TASOR: variants seen among roughly 807,000 people sequenced by gnomAD.
The protein encoded by TASOR is transcription activation suppressor, also known as protein TASOR.
TASOR carries 53 observed loss-of-function variants against 178.6 expected under a neutral mutation model. The ratio of observed to expected loss-of-function variants is 0.30; its 90% CI spans 0.24 to 0.37. The LOEUF (loss-of-function observed/expected upper bound fraction) is 0.37, where lower values mean the gene tolerates loss of function less well. TASOR is among the 10% of genes least tolerant of loss of function. The probability of loss-of-function intolerance (pLI) is 1.00; values close to 1 mark genes in which losing one functional copy is unlikely to be tolerated. For synonymous variants in TASOR, 713 were observed against 696.2 expected, an observed-to-expected ratio of 1.02 and a Z score of -0.38; for missense variants, 1,815 against 1,971.4, an observed-to-expected ratio of 0.92 and a Z score of 1.50.
At chr3:56,678,074 T>C (rs1559857388) in intron 1 of TASOR, among the ~76,000 whole-genome samples, 3 of 152,150 alleles carry the variant, frequency 2.0e-5, no homozygotes, top group Admixed American at 2.0e-4. Flanking sequence ...ACGAGGAAAC[T>C]GATAGTATCA....
chr3:56,663,594 AG>A (rs1262843611), intron 7 of TASOR, 22 bp from the exon 8 acceptor site: 43 of 1,305,718 alleles, frequency 3.3e-5, no homozygotes, highest in Non-Finnish European at 4.2e-5. Context: ...TTAAAAGAAA[AG>A]AAAAACATTA....
At chr3:56,627,892 C>G in intron 19 of TASOR, 151 bp from the exon 20 acceptor site, 1 of 659,442 alleles carries the variant, frequency 1.5e-6, no homozygotes, top group Non-Finnish European at 2.6e-6. Context: ...AATAATATTC[C>G]CAACATTATT....
At chr3:56,628,717 G>T in intron 18 of TASOR, 103 bp from the exon 19 acceptor site, 1 of 742,228 alleles carries the variant, frequency 1.3e-6, no homozygotes, top group Non-Finnish European at 2.1e-6. Context: ...CTACTACCAT[G>T]ACATTATTAA....
At chr3:56,661,119 C>A in intron 9 of TASOR, 102 bp from the exon 10 acceptor site, 1 of 697,072 alleles carries the variant, frequency 1.4e-6, no homozygotes, top group Non-Finnish European at 2.4e-6. Flanking sequence ...AATAGAAGAG[C>A]ATATCTACGA....
chr3:56,626,068 GA>G (rs1265932970), intron 21 of TASOR, among the ~76,000 whole-genome samples: 1 of 152,220 alleles, frequency 6.6e-6, no homozygotes. Context: ...CGTATTTTAA[GA>G]AATTTTTGTG....
At chr3:56,657,672 A>T (rs2077501942) in intron 11 of TASOR, among the ~76,000 whole-genome samples, 1 of 152,196 alleles carries the variant, frequency 6.6e-6, no homozygotes, top group African/African-American at 2.4e-5. Flanking sequence ...TGCCAAGAAG[A>T]CTATGGAGAT....
chr3:56,662,001 G>A (rs1374002229), intron 9 of TASOR, among the ~76,000 whole-genome samples: 4 of 151,850 alleles, frequency 2.6e-5, no homozygotes, highest in Non-Finnish European at 4.4e-5. Context: ...ATGGTGGCAG[G>A]ACCCTGTAAT....
chr3:56,678,870 G>A (rs1474841296), intron 1 of TASOR, among the ~76,000 whole-genome samples: 3 of 152,064 alleles, frequency 2.0e-5, no homozygotes, highest in Non-Finnish European at 4.4e-5. Flanking sequence ...AATTAGCTGG[G>A]CGTGGTGGCA....
intron 17 of TASOR, among the ~76,000 whole-genome samples, chr3:56,634,857 T>C (rs181155594): frequency 9.8e-5 from 15 of 152,300 alleles, no homozygotes; most frequent in Admixed American, 2.6e-4. Flanking sequence ...GGAACTCTAA[T>C]TCCATTTTTA....
chr3:56,621,421 A>G lies in TASOR; in HGVS notation c.*1616T>C, dbSNP rs2076605753. On this transcript the variant is annotated 3_prime_UTR_variant, in exon 24 of 24. Coordinates refer to ENST00000683822, the MANE Select transcript of TASOR (RefSeq NM_001365635.2). ...TTCTGAAAAAATTTTTGAATGACAA[A>G]ATTTTATCCTAAGCGATATGTTTTC... 1 of 753,294 alleles carries G rather than the reference A, an allele frequency of 1.3e-6. No homozygotes were observed. The highest frequency in any genetic ancestry group is 2.1e-6 in the Non-Finnish European group (1 of 486,752). The allele number at this position is 753,294 out of a possible 1,614,324, so 46.7% of individuals were successfully genotyped here.
chr3:56,668,738 C>A (rs2030332368), intron 5 of TASOR, among the ~76,000 whole-genome samples, 180 bp from the exon 6 acceptor site: 1 of 152,182 alleles, frequency 6.6e-6, no homozygotes. Flanking sequence ...CTTTGGGAGG[C>A]CAAGGCAGGC....
chr3:56,665,875 G>A (rs1175274664), intron 7 of TASOR, among the ~76,000 whole-genome samples: 1 of 152,090 alleles, frequency 6.6e-6, no homozygotes, highest in African/African-American at 2.4e-5. Flanking sequence ...GGGAGGCTGA[G>A]GCAGAATGGC....
chr3:56,677,556 T>C (rs1457005149), intron 1 of TASOR, among the ~76,000 whole-genome samples: 1 of 152,198 alleles, frequency 6.6e-6, no homozygotes, highest in Admixed American at 6.5e-5. Context: ...GGGATTCAAA[T>C]TCAAGTGGTT....
intron 11 of TASOR, among the ~76,000 whole-genome samples, chr3:56,652,117 C>G (rs1159924577): frequency 6.6e-6 from 1 of 152,022 alleles, no homozygotes; most frequent in Non-Finnish European, 1.5e-5. Flanking sequence ...ATAAAATGTT[C>G]AGAGCAGATA....
At chr3:56,629,791 C>G (rs1271135814) in intron 18 of TASOR, among the ~76,000 whole-genome samples, 2 of 152,176 alleles carry the variant, frequency 1.3e-5, no homozygotes, top group East Asian at 3.9e-4. Flanking sequence ...CCCAGCTTAC[C>G]TGACAACCAG....
At chr3:56,639,952 G>A (rs1439685371) in intron 16 of TASOR, 34 bp downstream of exon 16, 3 of 1,573,428 alleles carry the variant, frequency 1.9e-6, no homozygotes, top group Admixed American at 3.8e-5. Context: ...TAAGTAAAAT[G>A]AAGCAAACAC....
intron 1 of TASOR, among the ~76,000 whole-genome samples, chr3:56,674,880 A>G (rs2031140716): frequency 6.6e-6 from 1 of 152,176 alleles, no homozygotes; most frequent in African/African-American, 2.4e-5. Context: ...GTGCAGTGAC[A>G]CAATCTTGGC....
At chr3:56,657,257 G>A (rs570233231) in intron 11 of TASOR, among the ~76,000 whole-genome samples, 1 of 151,276 alleles carries the variant, frequency 6.6e-6, no homozygotes, top group South Asian at 2.1e-4. Context: ...GAACTCAGGA[G>A]GCAGAGATTG....
chr3:56,652,349 T>C (rs1298849959), intron 11 of TASOR, among the ~76,000 whole-genome samples: 1 of 151,916 alleles, frequency 6.6e-6, no homozygotes, highest in East Asian at 1.9e-4. Flanking sequence ...GGAGGCCAAG[T>C]TCAAGAACAG....
Sources: allele counts gnomAD v4.1 joint callset (sites outside exome capture counted in the v4.1 genomes callset), GRCh38; gene constraint gnomAD v4.1.1; transcripts MANE v1.5; gene names NCBI Gene and HGNC (gene_info 2026-07-23, HGNC 2026-07-21).